CRACD: variants seen among roughly 807,000 people sequenced by gnomAD.
CRACD encodes capping protein inhibiting regulator of actin dynamics, also known as capping protein-inhibiting regulator of actin dynamics.
A neutral mutation model predicts 106.8 loss-of-function variants in CRACD; 56 were observed. The ratio of observed to expected loss-of-function variants is 0.52; its 90% confidence interval spans 0.42 to 0.66. CRACD has a LOEUF of 0.66. Among genes scored for constraint, CRACD ranks in the 30% least tolerant of loss-of-function variants. CRACD has a pLI of 0.00. For synonymous variants in CRACD, 754 were observed against 670.8 expected (o/e 1.12, Z -1.92); for missense variants, 1,730 against 1,623.2 (o/e 1.07, Z -1.13).
chr4:56,327,897 C>T lies in CRACD; in HGVS notation c.*93C>T, dbSNP rs1378827813. The T allele has an allele frequency of 7.0e-6, 8 of 1,147,414 alleles. No homozygotes were observed. Among genetic ancestry groups the T allele is most frequent in the Middle Eastern group, 2.0e-4 (1 of 4,922 alleles). The allele number at this position is 1,147,414 out of a possible 1,614,324, so 71.1% of individuals were successfully genotyped here. On this transcript the variant is annotated 3_prime_UTR_variant, in exon 11 of 11. Transcript: ENST00000682029. ...TTTTATATGGGGTAAAGAAATCAAG[C>T]TAGGGAAAAGAAGCATGTTTTATAG...
At chr4:56,078,422 T>C (rs912890922) in intron 1 of CRACD, among the ~76,000 whole-genome samples, 9 of 152,294 alleles carry the variant, frequency 5.9e-5, no homozygotes, top group African/African-American at 2.2e-4. Flanking sequence ...TTCCTTTCTT[T>C]TTGAGACAGA....
rs567104100 is a variant in CRACD at position 56,227,563 on chromosome 4, C to T, written c.-188-44758C>T. Among the ~76,000 whole-genome samples the T allele has an allele frequency of 5.3e-5, 8 of 152,206 alleles. No homozygotes were observed. The East Asian group carries it at 1.4e-3, about 26-fold the overall frequency. On this transcript the variant is annotated intron_variant, in intron 2 of 10. Coordinates refer to ENST00000682029, the MANE Select transcript of CRACD (RefSeq NM_001393381.1). ...CAGAACTAGATTTTAGAGCAGAGAT[C>T]GACCAACTTTTATAAAGGGCCAGAT...
chr4:56,316,499 G>T lies in CRACD; in HGVS notation c.2997G>T (p.Glu999Asp), dbSNP rs751570623. 138 of 1,613,640 alleles carry T rather than the reference G, an allele frequency of 8.6e-5. No individual in the cohort carries two copies. Among genetic ancestry groups the T allele is most frequent in the Non-Finnish European group, 1.1e-4 (133 of 1,179,772 alleles). ...GCCGAGCGGGGAGGCCGGACCCAGA[G>T]CCAAGTGAGCCGTCCAAGGAGGACC... ...LSRRAGRPDP[E>D]PSEPSKEDQE... is the part of the protein sequence containing the mutation. Residue 999 changes from glutamate to aspartate, a missense_variant, in exon 8 of 11, where the codon GAG (glutamate) becomes GAT (aspartate). Physicochemically the swap from Glu to Asp is conservative, Grantham distance 45. This residue lies in a region of CRACD where 1,620 missense variants were observed against 1,481.6 expected (regional missense o/e 1.09). Transcript: ENST00000682029.
intron 1 of CRACD, among the ~76,000 whole-genome samples, chr4:56,159,651 C>T (rs927751267): frequency 6.6e-6 from 1 of 152,098 alleles, no homozygotes; most frequent in Non-Finnish European, 1.5e-5. Context: ...GACTCCTTCT[C>T]AAAACAAAGC....
At chr4:56,188,665 C>A (rs57747941) in intron 2 of CRACD, among the ~76,000 whole-genome samples, 38 of 84,486 alleles carry the variant, frequency 4.5e-4, no homozygotes, top group African/African-American at 1.6e-3. Flanking sequence ...CTATTTCTCT[C>A]TCTCTCTCTC....
chr4:56,317,518 C>G (rs1198455567), intron 8 of CRACD, among the ~76,000 whole-genome samples: 4 of 152,062 alleles, frequency 2.6e-5, no homozygotes, highest in Non-Finnish European at 5.9e-5. Flanking sequence ...AATAATAATC[C>G]CAACGACTGA....
At chr4:56,126,746 G>A (rs2109860461) in intron 1 of CRACD, among the ~76,000 whole-genome samples, 1 of 152,236 alleles carries the variant, frequency 6.6e-6, no homozygotes, top group Admixed American at 6.5e-5. Flanking sequence ...GACTTCTAAA[G>A]CCCAGTTATC....
intron 1 of CRACD, among the ~76,000 whole-genome samples, chr4:56,091,664 T>C: frequency 6.6e-6 from 1 of 152,208 alleles, no homozygotes; most frequent in East Asian, 1.9e-4. Flanking sequence ...GCTGCCATTG[T>C]CATGTGCTCT....
At chr4:56,219,179 C>T (rs1369508916) in intron 2 of CRACD, among the ~76,000 whole-genome samples, 2 of 152,082 alleles carry the variant, frequency 1.3e-5, no homozygotes, top group Non-Finnish European at 2.9e-5. Context: ...GAATATAATT[C>T]AAGAAGATGC....
chr4:56,222,453 G>A (rs375177475), intron 2 of CRACD, among the ~76,000 whole-genome samples: 2 of 152,104 alleles, frequency 1.3e-5, no homozygotes, highest in South Asian at 4.2e-4. Flanking sequence ...TGCTACTTGG[G>A]TAAGAGGTGC....
chr4:56,086,693 C>G (rs1003073339), intron 1 of CRACD, among the ~76,000 whole-genome samples: 1 of 152,128 alleles, frequency 6.6e-6, no homozygotes, highest in Non-Finnish European at 1.5e-5. Context: ...TGTCCAGGTG[C>G]GTCACTTTCC....
intron 1 of CRACD, among the ~76,000 whole-genome samples, chr4:56,062,836 G>C (rs1577938317): frequency 6.6e-6 from 1 of 152,290 alleles, no homozygotes. Context: ...GCTTGCAAAT[G>C]TATTTCTGTT....
intron 1 of CRACD, among the ~76,000 whole-genome samples, 153 bp from the exon 2 acceptor site, chr4:56,179,131 T>A (rs1035951953): frequency 6.6e-6 from 1 of 150,896 alleles, no homozygotes; most frequent in Non-Finnish European, 1.5e-5. Flanking sequence ...GCAAATCGAA[T>A]GTTGGTAAAC....
chr4:56,214,681 C>CTCTATATATATATATATATATA, intron 2 of CRACD, among the ~76,000 whole-genome samples: 3 of 80,972 alleles, frequency 3.7e-5, no homozygotes, highest in African/African-American at 1.3e-4. Context: ...CTCTCTCTCT[C>CTCTATATATATATATATATATA]TATATATATA....
chr4:56,056,845 G>A (rs1185449763), intron 1 of CRACD, among the ~76,000 whole-genome samples: 1 of 152,206 alleles, frequency 6.6e-6, no homozygotes, highest in African/African-American at 2.4e-5. Flanking sequence ...GGCTGAGGCA[G>A]GTGGATCCCT....
intron 3 of CRACD, among the ~76,000 whole-genome samples, chr4:56,294,016 A>G (rs1743846189): frequency 6.6e-6 from 1 of 152,138 alleles, no homozygotes; most frequent in Non-Finnish European, 1.5e-5. Context: ...TGCTTGAGGC[A>G]GGAGTTCCAG....
At chr4:56,138,073 C>CCG (rs1735064538) in intron 1 of CRACD, among the ~76,000 whole-genome samples, 1 of 151,810 alleles carries the variant, frequency 6.6e-6, no homozygotes, top group Non-Finnish European at 1.5e-5. Context: ...TTGACCAACC[C>CCG]CCCCACCCAC....
chr4:56,065,697 T>G (rs1715518164), intron 1 of CRACD, among the ~76,000 whole-genome samples: 1 of 152,194 alleles, frequency 6.6e-6, no homozygotes. Flanking sequence ...TGACATACAC[T>G]TTACTATTTT....
intron 10 of CRACD, among the ~76,000 whole-genome samples, chr4:56,324,700 C>T (rs923528925): frequency 6.6e-6 from 1 of 152,158 alleles, no homozygotes; most frequent in Non-Finnish European, 1.5e-5. Flanking sequence ...TACAGAAGAA[C>T]CTTCTAAACA....
Sources: gnomAD v4.1 joint callset for allele counts (sites outside exome capture counted in the v4.1 genomes callset) on GRCh38, gnomAD v4.1.1 for gene constraint, gnomAD v4.1.1 regional missense constraint, MANE v1.5 for transcripts, NCBI Gene and HGNC (gene_info 2026-07-23, HGNC 2026-07-21) for gene names.